The following FAF1 variants were observed in gnomAD, a reference collection of about 807,000 sequenced individuals.
FAF1 encodes the protein FAS-associated factor 1.
FAF1 carries 25 observed loss-of-function variants against 92.5 expected under a neutral mutation model. The observed-to-expected ratio is 0.27, with a 90% CI of 0.20 to 0.38. FAF1 has a LOEUF of 0.38. FAF1 is among the 10% of genes least tolerant of loss of function. The probability of loss-of-function intolerance (pLI) is 1.00; values close to 1 mark genes in which losing one functional copy is unlikely to be tolerated. For synonymous variants in FAF1, 234 were observed against 273.2 expected (o/e 0.86, Z 1.42); for missense variants, 636 against 793.3 (o/e 0.80, Z 2.38).
intron 4 of FAF1, among the ~76,000 whole-genome samples, chr1:50,786,109 G>A (rs1302153753): frequency 6.6e-6 from 1 of 150,960 alleles, no homozygotes; most frequent in African/African-American, 2.4e-5. Flanking sequence ...TCCAGCCTGG[G>A]TGACAGTGTG....
intron 1 of FAF1, among the ~76,000 whole-genome samples, chr1:50,884,111 C>T (rs532255661): frequency 5.9e-5 from 9 of 151,910 alleles, no homozygotes; most frequent in South Asian, 4.2e-4. Context: ...GGCAACGGAG[C>T]GAGGAAGTAC....
intron 1 of FAF1, among the ~76,000 whole-genome samples, chr1:50,886,253 C>A (rs954905834): frequency 2.6e-5 from 4 of 152,186 alleles, no homozygotes; most frequent in African/African-American, 7.2e-5. Context: ...TTTAACACTT[C>A]TTGTAGGACA....
chr1:50,880,447 AAAT>A (rs1374616340), intron 1 of FAF1, among the ~76,000 whole-genome samples: 1 of 152,146 alleles, frequency 6.6e-6, no homozygotes, highest in Admixed American at 6.6e-5. Flanking sequence ...CGGAGTAAGG[AAAT>A]AATTAAGGTT....
At chr1:50,491,281 AC>A (rs762200902) in intron 16 of FAF1, among the ~76,000 whole-genome samples, 1 of 152,196 alleles carries the variant, frequency 6.6e-6, no homozygotes, top group Non-Finnish European at 1.5e-5. Context: ...TGTGTTCTTT[AC>A]TTAATCAACT....
chr1:50,823,092 G>A (rs1413760495), intron 2 of FAF1, among the ~76,000 whole-genome samples: 2 of 151,988 alleles, frequency 1.3e-5, no homozygotes, highest in Non-Finnish European at 2.9e-5. Context: ...CAGTTTTAAG[G>A]GTTTATGAGT....
intron 15 of FAF1, among the ~76,000 whole-genome samples, chr1:50,507,678 T>C (rs913794216): frequency 3.3e-5 from 5 of 152,206 alleles, no homozygotes; most frequent in African/African-American, 1.2e-4. Context: ...ATCATGTCAC[T>C]GCCTTCTAGC....
intron 6 of FAF1, among the ~76,000 whole-genome samples, chr1:50,728,800 A>G (rs1569847084): frequency 6.6e-6 from 1 of 150,904 alleles, no homozygotes; most frequent in Non-Finnish European, 1.5e-5. Context: ...CAAAAAAAAA[A>G]AAAAGAAAAG....
chr1:50,712,384 G>A (rs955867027), intron 6 of FAF1, among the ~76,000 whole-genome samples: 1 of 152,184 alleles, frequency 6.6e-6, no homozygotes, highest in South Asian at 2.1e-4. Flanking sequence ...TGCTGGGCTT[G>A]GTAGCTCACA....
chr1:50,876,395 T>C (rs1210870469), intron 1 of FAF1, among the ~76,000 whole-genome samples: 1 of 152,172 alleles, frequency 6.6e-6, no homozygotes, highest in Non-Finnish European at 1.5e-5. Flanking sequence ...ATTCTAGGAC[T>C]GATATTAGGA....
intron 9 of FAF1, among the ~76,000 whole-genome samples, chr1:50,590,035 T>TGTTA (rs937327034): frequency 6.6e-6 from 1 of 152,228 alleles, no homozygotes; most frequent in African/African-American, 2.4e-5. Flanking sequence ...TTGGGCTATA[T>TGTTA]GTTAGTCTAG....
At chr1:50,866,403 G>C (rs181732616) in intron 1 of FAF1, among the ~76,000 whole-genome samples, 1 of 152,024 alleles carries the variant, frequency 6.6e-6, no homozygotes, top group East Asian at 1.9e-4. Context: ...TCAAACTGTT[G>C]ATGTTTGCCG....
At chr1:50,953,840 G>T (rs1174771627) in intron 1 of FAF1, among the ~76,000 whole-genome samples, 2 of 152,156 alleles carry the variant, frequency 1.3e-5, no homozygotes, top group African/African-American at 4.8e-5. Context: ...AAGCACATTT[G>T]TGTGTTACAG....
chr1:50,950,348 A>T (rs748966896), intron 1 of FAF1, among the ~76,000 whole-genome samples: 2 of 152,234 alleles, frequency 1.3e-5, no homozygotes, highest in Admixed American at 6.5e-5. Flanking sequence ...AGCCCTCTGA[A>T]TTTACTAAAA....
At chr1:50,908,205 G>A (rs759104457) in intron 1 of FAF1, among the ~76,000 whole-genome samples, 4 of 152,182 alleles carry the variant, frequency 2.6e-5, no homozygotes, top group Non-Finnish European at 4.4e-5. Context: ...TTAATCCTGA[G>A]TTCTAGTTTG....
intron 3 of FAF1, among the ~76,000 whole-genome samples, chr1:50,800,586 C>T (rs1017132946): frequency 6.6e-6 from 1 of 152,098 alleles, no homozygotes; most frequent in Admixed American, 6.5e-5. Context: ...AAGAGAGGAA[C>T]GGGGGTATAG....
chr1:50,727,889 C>T (rs1403257085), intron 6 of FAF1, among the ~76,000 whole-genome samples: 1 of 152,178 alleles, frequency 6.6e-6, no homozygotes, highest in Non-Finnish European at 1.5e-5. Flanking sequence ...CAGGAGCTCT[C>T]GGACCTTTGG....
chr1:50,776,702 T>A (rs1415087954), intron 4 of FAF1, among the ~76,000 whole-genome samples: 1 of 152,102 alleles, frequency 6.6e-6, no homozygotes, highest in African/African-American at 2.4e-5. Flanking sequence ...CTGAGGTAAT[T>A]TTAAGATTTA....
rs949415132 is a variant in FAF1, at chr1:50,680,907, T to C, written c.657+24879A>G. Reference sequence around the variant, plus strand: ...TTTGTGGAGTCAGAACACTGAAGCATAGAATTTAAGCAAACCAATTAAAAG... The same window carrying C: ...TTTGTGGAGTCAGAACACTGAAGCACAGAATTTAAGCAAACCAATTAAAAG... On this transcript the variant is annotated intron_variant, in intron 7 of 18. Coordinates refer to ENST00000396153, the MANE Select transcript of FAF1 (RefSeq NM_007051.3). 2.0e-5 allele frequency among the ~76,000 whole-genome samples: 3 copies of C among 152,208 alleles called. No homozygotes were observed. In the East Asian group the frequency reaches 5.8e-4, roughly 29 times the overall value.
chr1:50,503,617 T>TAA (rs780355888), intron 15 of FAF1, among the ~76,000 whole-genome samples: 7 of 128,570 alleles, frequency 5.4e-5, no homozygotes, highest in African/African-American at 1.7e-4. Context: ...CCTGTCTCTT[T>TAA]AAAAAAAAAA....
Sources: allele counts gnomAD v4.1 joint callset (sites outside exome capture counted in the v4.1 genomes callset), GRCh38; gene constraint gnomAD v4.1.1; transcripts MANE v1.5; gene names NCBI Gene and HGNC (gene_info 2026-07-23, HGNC 2026-07-21).